Variants in TPCN1 observed in about 807,000 individuals in gnomAD.
TPCN1 encodes the protein two pore channel protein 1.
In TPCN1, 52 loss-of-function variants were observed where a neutral mutation model predicts 108.8. The ratio of observed to expected loss-of-function variants is 0.48; its 90% CI spans 0.38 to 0.60. The LOEUF (loss-of-function observed/expected upper bound fraction) is 0.60. Ranked by LOEUF, TPCN1 falls within the 20% of genes least tolerant of loss-of-function variation. TPCN1 has a pLI of 0.00. For synonymous variants in TPCN1, 446 were observed against 433.7 expected, an observed-to-expected ratio of 1.03 and a Z score of -0.35; for missense variants, 806 against 1,072.8, an observed-to-expected ratio of 0.75 and a Z score of 3.47.
rs531795676 is a variant in TPCN1 at position 113,265,199 on chromosome 12, A to G, written c.238-981A>G. Among the ~76,000 whole-genome samples, 97 of 152,336 alleles carry G rather than the reference A, an allele frequency of 6.4e-4. No individual in the cohort carries two copies. The Middle Eastern group carries it at 0.01, about 16-fold the overall frequency. On this transcript the variant is annotated intron_variant, in intron 3 of 27. Coordinates refer to ENST00000335509, the MANE Select transcript of TPCN1 (RefSeq NM_017901.6). The stretch of plus-strand genomic sequence containing the variant: ...GGCTTCTTTTTTTCTGGTAATGTTC[A>G]TATAACTTACGATAATAGCAAATAC...
chr12:113,229,570 C>T (rs1029447521), intron 2 of TPCN1, among the ~76,000 whole-genome samples: 3 of 152,206 alleles, frequency 2.0e-5, no homozygotes, highest in Admixed American at 2.0e-4. Context: ...CTCATTGCAA[C>T]CTCCGCCTCC....
rs528893662 is a variant in TPCN1 at position 113,280,317 on chromosome 12, C to T, written c.1342+122C>T. The T allele has an allele frequency of 5.4e-5, 39 of 720,362 alleles. 1 individual carries two copies. The South Asian group carries it at 7.5e-4, about 14-fold the overall frequency. 44.6% of individuals were successfully genotyped at this position (720,362 alleles called of 1,614,324 possible). On this transcript the variant is annotated intron_variant, in intron 15 of 27. Transcript: ENST00000335509. ...GTTTGACTTTTTATTGTGGGGAATT[C>T]CCAGCATGTATAAAAGTGAAGAGAA...
At chr12:113,286,928 G>A (rs886329490) in intron 18 of TPCN1, 59 bp from the exon 19 acceptor site, 1 of 1,269,478 alleles carries the variant, frequency 7.9e-7, no homozygotes, top group South Asian at 1.2e-5. Context: ...CCAGGGAGGG[G>A]AGCAGGCGCA....
rs765650718 is a variant in TPCN1, at chr12:113,291,576, A to AC, written c.1960-28dup. ...AGACGGGGACCTGCCCTGCATGGGC[A>AC]CCCCCTCACTGGCTGCTTCCCTTGG... On this transcript the variant is annotated intron_variant, in intron 23 of 27. Coordinates refer to ENST00000335509, the MANE Select transcript of TPCN1 (RefSeq NM_017901.6). The AC allele has an allele frequency of 8.8e-6, 14 of 1,599,778 alleles. No individual in the cohort carries two copies. The African/African-American group carries it at 1.7e-4, about 20-fold the overall frequency.
rs1360031134 is a variant in TPCN1 at position 113,231,886 on chromosome 12, C to G, written c.112+4922C>G. ...GGCCACTGTTAGAGCAGTGTAGAGACAGACCACAGTCCACACCGCGTGACA... is the reference window on the plus strand; with the variant it reads ...GGCCACTGTTAGAGCAGTGTAGAGAGAGACCACAGTCCACACCGCGTGACA... On this transcript the variant is annotated intron_variant, in intron 2 of 27. Transcript: ENST00000335509. The surrounding 1 kb of genome is among the most constrained non-coding windows in gnomAD (Gnocchi z 4.3). Among the ~76,000 whole-genome samples the G allele has an allele frequency of 6.6e-6, 1 of 152,178 alleles. No individual in the cohort carries two copies. Among genetic ancestry groups the G allele is most frequent in the Non-Finnish European group, 1.5e-5 (1 of 68,044 alleles).
chr12:113,242,364 A>G (rs367951866), intron 2 of TPCN1, among the ~76,000 whole-genome samples: 2 of 151,662 alleles, frequency 1.3e-5, no homozygotes, highest in South Asian at 2.1e-4. Context: ...CCTGGCCTAC[A>G]CCCCCAGCCT....
In TPCN1 at chr12:113,241,793, T is replaced by TGC. The variant is rs1555262466; in HGVS notation, c.112+14831_112+14832dup. 1.5e-3 allele frequency among the ~76,000 whole-genome samples: 225 copies of TGC among 150,518 alleles called. 1 individual carries two copies. The highest frequency in any genetic ancestry group is 4.0e-3 in the African/African-American group (163 of 40,958). ...GTGTGTGTGTGTGTGTGTGTGTGTG[T>TGC]GCGTGTGTGTGTATGAGACAGCAGG... is the stretch of plus-strand genomic sequence containing the variant. On this transcript the variant is annotated intron_variant, in intron 2 of 27. Transcript: ENST00000335509.
intron 2 of TPCN1, among the ~76,000 whole-genome samples, chr12:113,240,740 G>A (rs1223378426): frequency 6.7e-6 from 1 of 149,290 alleles, no homozygotes; most frequent in African/African-American, 2.5e-5. Context: ...TCCATCTCCT[G>A]CCCATTCTTT....
At chr12:113,227,612 C>T (rs544862967) in intron 2 of TPCN1, among the ~76,000 whole-genome samples, 4 of 152,234 alleles carry the variant, frequency 2.6e-5, no homozygotes, top group African/African-American at 9.6e-5. Flanking sequence ...GGTTCTCATC[C>T]CGAAGCCATT....
At chr12:113,279,709 A>G (rs1360461003) in intron 14 of TPCN1, among the ~76,000 whole-genome samples, 1 of 151,928 alleles carries the variant, frequency 6.6e-6, no homozygotes, top group African/African-American at 2.4e-5. Flanking sequence ...CGACCCCGAT[A>G]ATATATTTTT....
chr12:113,222,896 C>T (rs1953306860), intron 1 of TPCN1, among the ~76,000 whole-genome samples: 1 of 152,182 alleles, frequency 6.6e-6, no homozygotes, highest in Admixed American at 6.5e-5. Context: ...AATAAATTCT[C>T]CTGCCTTCAA....
intron 10 of TPCN1, among the ~76,000 whole-genome samples, chr12:113,275,463 C>T (rs1308975238): frequency 2.0e-5 from 3 of 151,968 alleles, no homozygotes; most frequent in African/African-American, 4.8e-5. Flanking sequence ...AGGCTGGTCT[C>T]GAACTCCTGA....
Position 113,288,782 on chromosome 12 carries a change from T to C in TPCN1, c.1731T>C (p.Phe577=). The C allele has an allele frequency of 6.2e-7, 1 of 1,613,236 alleles. No individual in the cohort carries two copies. The highest frequency in any genetic ancestry group is 8.5e-7 in the Non-Finnish European group (1 of 1,180,014). ...GCCTGGGCCTCACCCTGCTCATCTTTTACTACTCCTTCGCCATCGTGGGCA... is the reference window on the plus strand; with the variant it reads ...GCCTGGGCCTCACCCTGCTCATCTTCTACTACTCCTTCGCCATCGTGGGCA... ...MASLGLTLLI[F]YYSFAIVGME... is the part of the protein sequence containing the mutation. Residue 577 remains phenylalanine, a synonymous_variant, in exon 21 of 28, where the codon TTT becomes TTC. Transcript: ENST00000335509. This position sits in a 1 kb window ranked among gnomAD's most constrained non-coding sequence, Gnocchi z 4.8.
chr12:113,281,268 G>A (rs1183216291), intron 15 of TPCN1, among the ~76,000 whole-genome samples: 1 of 152,090 alleles, frequency 6.6e-6, no homozygotes, highest in African/African-American at 2.4e-5. Flanking sequence ...TCGAACTCCT[G>A]ACCTCAGGTG....
chr12:113,256,469 A>G lies in TPCN1; in HGVS notation c.113-3899A>G, dbSNP rs189347062. Among the ~76,000 whole-genome samples the G allele has an allele frequency of 2.1e-3, 320 of 152,320 alleles. 2 individuals carry two copies. The highest frequency in any genetic ancestry group is 5.9e-4 in the Non-Finnish European group (40 of 68,036). ...AAACAACTTTGAAAAAAATATGAAC[A>G]AAGTTGGAGGATTAACACTGCCTGA... On this transcript the variant is annotated intron_variant, in intron 2 of 27. Transcript: ENST00000335509.
rs1398850532 is a variant in TPCN1, at chr12:113,298,184, T to C, written c.*2108T>C. 3 of 152,242 alleles carry C rather than the reference T, an allele frequency of 2.0e-5. No homozygotes were observed. The highest frequency in any genetic ancestry group is 4.4e-5 in the Non-Finnish European group (3 of 68,074). The allele number at this position is 152,242 out of a possible 1,614,324, so 9.4% of individuals were successfully genotyped here. On this transcript the variant is annotated 3_prime_UTR_variant, in exon 28 of 28. Transcript: ENST00000335509. ...CAGACGGGAGTCCAGCCAGGGTGGG[T>C]GCCCTTGTCATTGAGGTTAGGGACA...
At position 113,258,358 on chromosome 12, in the gene TPCN1, C is replaced by T. The variant is rs188468542; in HGVS notation, c.113-2010C>T. Among the ~76,000 whole-genome samples, 85 of 152,116 alleles carry T rather than the reference C, an allele frequency of 5.6e-4. No individual in the cohort carries two copies. The Middle Eastern group carries it at 0.01, about 18-fold the overall frequency. On this transcript the variant is annotated intron_variant, in intron 2 of 27. Transcript: ENST00000335509. ...TTAGGCACCTGTAATCCCAGCTGCT[C>T]GGGAGGCTGAGGTGGGAGAATCACT... is the stretch of plus-strand genomic sequence containing the variant.
rs118153213 is a variant in TPCN1, at chr12:113,292,572, G to A, written c.2114-362G>A. 478 of 210,408 alleles carry A rather than the reference G, an allele frequency of 2.3e-3. 1 individual carries two copies. Among genetic ancestry groups the A allele is most frequent in the Non-Finnish European group, 3.6e-3 (382 of 104,892 alleles). 13.0% of individuals were successfully genotyped at this position (210,408 alleles called of 1,614,324 possible). The stretch of plus-strand genomic sequence containing the variant: ...GATCACACCACTGCACTCCAGCCTG[G>A]GCAGCGGAGTGAGACCCTGTCTCTT... On this transcript the variant is annotated intron_variant, in intron 25 of 27. Transcript: ENST00000335509.
Position 113,273,332 on chromosome 12 carries a change from C to G in TPCN1, c.842+42C>G, listed in dbSNP as rs1955566542. Reference sequence around the variant, plus strand: ...CCTTGCCTTTGGTCCTCTGCTGCCGCCCTGGGGTCTCTTTCTCTTTTCTGC... The same window carrying G: ...CCTTGCCTTTGGTCCTCTGCTGCCGGCCTGGGGTCTCTTTCTCTTTTCTGC... On this transcript the variant is annotated intron_variant, in intron 9 of 27. Transcript: ENST00000335509. The surrounding 1 kb of genome is among the most constrained non-coding windows in gnomAD (Gnocchi z 4.0). 1 of 1,596,242 alleles carries G rather than the reference C, an allele frequency of 6.3e-7. No individual in the cohort carries two copies. The highest frequency in any genetic ancestry group is 1.3e-5 in the African/African-American group (1 of 74,524).
Sources: allele counts gnomAD v4.1 joint callset (sites outside exome capture counted in the v4.1 genomes callset), GRCh38; gene constraint gnomAD v4.1.1; non-coding constraint Gnocchi (gnomAD v3.1); transcripts MANE v1.5; gene names NCBI Gene and HGNC (gene_info 2026-07-23, HGNC 2026-07-21).